The following MOB3B variants were observed in gnomAD, a reference collection of about 807,000 sequenced individuals.
MOB3B encodes the protein MOB kinase activator 3B, also known as MOB kinase activator-like 2B.
MOB3B carries 7 observed loss-of-function variants against 18.7 expected under a neutral mutation model. That is an observed-to-expected ratio of 0.37 (90% confidence interval 0.21 to 0.70). MOB3B has a LOEUF of 0.70. Ranked by LOEUF, MOB3B falls within the 30% of genes least tolerant of loss-of-function variation. The pLI, the probability that MOB3B is intolerant of heterozygous loss-of-function variation, is 0.52. For synonymous variants in MOB3B, 111 were observed against 99.9 expected (o/e 1.11, Z -0.66); for missense variants, 253 against 281.3 (o/e 0.90, Z 0.72).
chr9:27,357,128 A>ATATATATATATATATATATG (rs1821201958), intron 3 of MOB3B, among the ~76,000 whole-genome samples: 4 of 82,810 alleles, frequency 4.8e-5, no homozygotes, highest in African/African-American at 1.8e-4. Context: ...GCAAATATAT[A>ATATATATATATATATATATG]TATATATATA....
At chr9:27,508,904 C>T (rs1820096585) in intron 1 of MOB3B, among the ~76,000 whole-genome samples, 1 of 152,112 alleles carries the variant, frequency 6.6e-6, no homozygotes, top group South Asian at 2.1e-4. Flanking sequence ...CTAATCCTTC[C>T]ACTACTCCTG....
intron 2 of MOB3B, among the ~76,000 whole-genome samples, chr9:27,424,700 T>G (rs1000059670): frequency 6.6e-6 from 1 of 152,138 alleles, no homozygotes; most frequent in Non-Finnish European, 1.5e-5. Context: ...AATGGGATAA[T>G]GCAATTTGTA....
At chr9:27,478,207 T>C (rs1819584752) in intron 1 of MOB3B, among the ~76,000 whole-genome samples, 1 of 152,148 alleles carries the variant, frequency 6.6e-6, no homozygotes, top group Non-Finnish European at 1.5e-5. Context: ...AATTGTTCTG[T>C]AGAAATATTT....
At chr9:27,468,244 A>T (rs1757809228) in intron 1 of MOB3B, among the ~76,000 whole-genome samples, 2 of 152,120 alleles carry the variant, frequency 1.3e-5, no homozygotes, top group Admixed American at 6.5e-5. Context: ...GACTGCTCAG[A>T]ACAGAGTCCC....
At chr9:27,330,851 C>A (rs1820777360) in intron 3 of MOB3B, among the ~76,000 whole-genome samples, 1 of 151,922 alleles carries the variant, frequency 6.6e-6, no homozygotes, top group Non-Finnish European at 1.5e-5. Flanking sequence ...ATTCAGGTTG[C>A]TTGCTTGCTT....
intron 2 of MOB3B, among the ~76,000 whole-genome samples, chr9:27,422,142 A>G (rs976474466): frequency 2.0e-5 from 3 of 152,258 alleles, no homozygotes; most frequent in African/African-American, 7.2e-5. Context: ...CAGGGCAATA[A>G]GTTACAAATG....
At chr9:27,392,601 A>G (rs190510334) in intron 2 of MOB3B, among the ~76,000 whole-genome samples, 124 of 152,274 alleles carry the variant, frequency 8.1e-4, no homozygotes, top group African/African-American at 2.6e-3. Context: ...ATAAAAGACA[A>G]TCCTTTACAT....
At chr9:27,442,729 A>G (rs1233835260) in intron 2 of MOB3B, among the ~76,000 whole-genome samples, 1 of 152,078 alleles carries the variant, frequency 6.6e-6, no homozygotes, top group Non-Finnish European at 1.5e-5. Flanking sequence ...ATAATATTAT[A>G]TTGTTGCTTT....
intron 2 of MOB3B, among the ~76,000 whole-genome samples, chr9:27,383,989 G>A (rs1821615388): frequency 6.6e-6 from 1 of 152,306 alleles, no homozygotes. Flanking sequence ...TCCTGGTATA[G>A]ATAAGCATTA....
intron 1 of MOB3B, among the ~76,000 whole-genome samples, chr9:27,485,865 A>G (rs948067395): frequency 8.5e-5 from 13 of 152,240 alleles, no homozygotes; most frequent in Admixed American, 6.5e-4. Context: ...CACCAACACT[A>G]TTGCTAACCA....
intron 1 of MOB3B, among the ~76,000 whole-genome samples, chr9:27,527,324 G>C (rs1820450711): frequency 6.6e-6 from 1 of 152,162 alleles, no homozygotes; most frequent in African/African-American, 2.4e-5. Context: ...TTTTCATAAT[G>C]AAATGTTTGT....
intron 2 of MOB3B, among the ~76,000 whole-genome samples, chr9:27,422,715 G>C (rs543704116): frequency 6.6e-6 from 1 of 152,146 alleles, no homozygotes; most frequent in East Asian, 1.9e-4. Flanking sequence ...GACAATCATA[G>C]GTCTTGTTGA....
intron 2 of MOB3B, among the ~76,000 whole-genome samples, chr9:27,379,107 G>A (rs910123841): frequency 3.9e-5 from 6 of 152,124 alleles, no homozygotes; most frequent in African/African-American, 1.2e-4. Context: ...GAAGAAGCCC[G>A]GAGACCACTT....
At chr9:27,497,623 T>C (rs2440620) in intron 1 of MOB3B, among the ~76,000 whole-genome samples, 37,655 of 151,890 alleles carry the variant, frequency 0.25, 4,847 homozygotes, top group East Asian at 0.34. Flanking sequence ...TGTAGTTTTA[T>C]ATGTTCTAAA....
intron 1 of MOB3B, among the ~76,000 whole-genome samples, chr9:27,504,244 G>A (rs1820027582): frequency 6.6e-6 from 1 of 152,210 alleles, no homozygotes; most frequent in South Asian, 2.1e-4. Flanking sequence ...CCCCAGTCCA[G>A]TGATAACAAT....
At chr9:27,401,855 C>A (rs1170958544) in intron 2 of MOB3B, among the ~76,000 whole-genome samples, 1 of 152,310 alleles carries the variant, frequency 6.6e-6, no homozygotes, top group African/African-American at 2.4e-5. Flanking sequence ...GTAACCACAA[C>A]AATTTTGGGA....
intron 2 of MOB3B, among the ~76,000 whole-genome samples, chr9:27,392,155 G>C (rs1302966413): frequency 6.6e-6 from 1 of 152,140 alleles, no homozygotes; most frequent in Non-Finnish European, 1.5e-5. Flanking sequence ...TGAGGGCAGG[G>C]CTCCAGAATC....
chr9:27,478,098 A>C (rs2131473887), intron 1 of MOB3B, among the ~76,000 whole-genome samples: 1 of 152,370 alleles, frequency 6.6e-6, no homozygotes, highest in Non-Finnish European at 1.5e-5. Flanking sequence ...GTCATGCACA[A>C]GTGTGTTGCA....
At chr9:27,392,129 C>G (rs1324514516) in intron 2 of MOB3B, among the ~76,000 whole-genome samples, 1 of 152,208 alleles carries the variant, frequency 6.6e-6, no homozygotes, top group African/African-American at 2.4e-5. Flanking sequence ...TCACCCAGAA[C>G]TACTGAATCA....
Sources: gnomAD v4.1 joint callset for allele counts (sites outside exome capture counted in the v4.1 genomes callset) on GRCh38, gnomAD v4.1.1 for gene constraint, MANE v1.5 for transcripts, NCBI Gene and HGNC (gene_info 2026-07-23, HGNC 2026-07-21) for gene names.